CLINT1: variants seen among roughly 807,000 people sequenced by gnomAD.
CLINT1 encodes clathrin interacting protein localized in the trans-Golgi region.
A neutral mutation model predicts 70.4 loss-of-function variants in CLINT1; 15 were observed. That is an observed-to-expected ratio of 0.21 (90% CI 0.14 to 0.33). The LOEUF is 0.33. Ranked by LOEUF, CLINT1 falls within the 10% of genes least tolerant of loss-of-function variation. The pLI is 1.00. For missense variants in CLINT1, 615 were observed against 778.1 expected, an observed-to-expected ratio of 0.79 and a Z score of 2.49; for synonymous variants, 227 against 254.7, an observed-to-expected ratio of 0.89 and a Z score of 1.04.
chr5:157,831,251 G>T (rs1166095707), intron 1 of CLINT1, among the ~76,000 whole-genome samples: 1 of 150,096 alleles, frequency 6.7e-6, no homozygotes, highest in Admixed American at 6.6e-5. Flanking sequence ...GCAGTGGCAG[G>T]ATCTTGGCTC....
intron 1 of CLINT1, among the ~76,000 whole-genome samples, chr5:157,852,029 G>C (rs1200144257): frequency 1.3e-5 from 2 of 152,096 alleles, no homozygotes; most frequent in African/African-American, 4.8e-5. Flanking sequence ...CATGAATTTG[G>C]TATCACATAT....
At chr5:157,847,624 G>A (rs141993421) in intron 1 of CLINT1, among the ~76,000 whole-genome samples, 8 of 152,264 alleles carry the variant, frequency 5.3e-5, no homozygotes, top group Non-Finnish European at 7.4e-5. Flanking sequence ...AGTGACGGAC[G>A]TCACTGCAGA....
At position 157,809,892 on chromosome 5, in the gene CLINT1, C is replaced by T. The variant is rs1245505178; in HGVS notation, c.518-87G>A. 27 of 1,293,824 alleles carry T rather than the reference C, an allele frequency of 2.1e-5. No individual in the cohort carries two copies. In the Admixed American group the frequency reaches 6.8e-4, roughly 33 times the overall value. The allele number at this position is 1,293,824 out of a possible 1,614,324, so 80.1% of individuals were successfully genotyped here. A position where few individuals can be genotyped will look rare whatever the true frequency, so the allele number is the denominator to read the frequency against. The stretch of plus-strand genomic sequence containing the variant: ...AGTCCTTATTTCTCAGGCTTTTCCT[C>T]ATAATAAAATCATTTTCAAAGGAAA... On this transcript the variant is annotated intron_variant, in intron 5 of 11. Transcript: ENST00000411809.
chr5:157,801,489 A>T (rs928480204), intron 8 of CLINT1, among the ~76,000 whole-genome samples: 1 of 151,756 alleles, frequency 6.6e-6, no homozygotes, highest in Non-Finnish European at 1.5e-5. Flanking sequence ...CTGGGCAACA[A>T]GGGCGAAACT....
At chr5:157,830,025 TAC>T (rs77191893) in intron 1 of CLINT1, among the ~76,000 whole-genome samples, 20,346 of 152,160 alleles carry the variant, frequency 0.13, 1,780 homozygotes, top group African/African-American at 0.25. Context: ...GATGCCTGAC[TAC>T]AGTCTTGACC....
intron 1 of CLINT1, among the ~76,000 whole-genome samples, chr5:157,841,046 G>A (rs1365217233): frequency 6.6e-6 from 1 of 152,126 alleles, no homozygotes; most frequent in Non-Finnish European, 1.5e-5. Flanking sequence ...CAGATTGCTT[G>A]AGCTCAGGAG....
At chr5:157,858,467 C>A (rs546245591) in intron 1 of CLINT1, among the ~76,000 whole-genome samples, 1 of 152,140 alleles carries the variant, frequency 6.6e-6, no homozygotes, top group Admixed American at 6.5e-5. Flanking sequence ...AAAGACACAC[C>A]CCAACCAGGT....
intron 1 of CLINT1, among the ~76,000 whole-genome samples, chr5:157,829,536 T>C (rs985787461): frequency 2.6e-5 from 4 of 152,046 alleles, no homozygotes; most frequent in Non-Finnish European, 4.4e-5. Flanking sequence ...ATGCACTTTT[T>C]TTTGAGACAG....
intron 2 of CLINT1, among the ~76,000 whole-genome samples, chr5:157,817,152 A>C (rs1416879819): frequency 6.6e-6 from 1 of 152,074 alleles, no homozygotes; most frequent in Non-Finnish European, 1.5e-5. Flanking sequence ...TTTCACTTCA[A>C]GTTATTTTAT....
chr5:157,846,676 TC>T (rs1753392105), intron 1 of CLINT1, among the ~76,000 whole-genome samples: 1 of 152,202 alleles, frequency 6.6e-6, no homozygotes, highest in Non-Finnish European at 1.5e-5. Context: ...GAAGATGCCA[TC>T]TAGGACTTTC....
intron 1 of CLINT1, among the ~76,000 whole-genome samples, chr5:157,854,476 A>G (rs546399238): frequency 6.6e-6 from 1 of 152,254 alleles, no homozygotes; most frequent in Non-Finnish European, 1.5e-5. Context: ...TCCCAGCTGC[A>G]GTGTGCATGT....
In CLINT1 at chr5:157,791,817, G is replaced by T; in HGVS notation, c.1266C>A (p.Asp422Glu). The T allele has an allele frequency of 6.2e-7, 1 of 1,613,960 alleles. No individual in the cohort carries two copies. Among genetic ancestry groups the T allele is most frequent in the Non-Finnish European group, 8.5e-7 (1 of 1,179,856 alleles). The change falls in exon 10 of 12, where the codon GAC becomes GAA. Residue 422 changes from aspartate to glutamate, a missense_variant. Coordinates refer to ENST00000411809, the MANE Select transcript of CLINT1 (RefSeq NM_014666.4). ...GPPPAASNSS[D>E]LFDLMGSSQA... ...GGGACGAGCCCATAAGATCAAACAG[G>T]TCTGAAGAATTTGAGGCAGCAGGAG...
intron 1 of CLINT1, among the ~76,000 whole-genome samples, chr5:157,838,456 A>G (rs1413097451): frequency 6.6e-6 from 1 of 152,248 alleles, no homozygotes; most frequent in Admixed American, 6.5e-5. Flanking sequence ...AATGAATTAT[A>G]TATTTACTCT....
At chr5:157,807,617 G>A (rs1581492686) in intron 6 of CLINT1, among the ~76,000 whole-genome samples, 1 of 151,954 alleles carries the variant, frequency 6.6e-6, no homozygotes, top group African/African-American at 2.4e-5. Context: ...TTCCTGGTGT[G>A]CCCTATCATT....
At position 157,791,980 on chromosome 5, in the gene CLINT1, C is replaced by A; in HGVS notation, c.1103G>T (p.Gly368Val). 5 of 1,613,086 alleles carry A rather than the reference C, an allele frequency of 3.1e-6. No homozygotes were observed. Among genetic ancestry groups the A allele is most frequent in the Non-Finnish European group, 4.2e-6 (5 of 1,179,472 alleles). The change falls in exon 10 of 12, where the codon GGG becomes GTG. Residue 368 changes from glycine (G) to valine (V), a missense_variant. Coordinates refer to ENST00000411809, the MANE Select transcript of CLINT1 (RefSeq NM_014666.4). ...SFPSQVTATS[G>V]NGDFGDWSAF... is the part of the protein sequence containing the mutation. ...ACTCCAGTCACCAAAGTCTCCATTCCCACTTGTTGCTGTTACTAAGACAGA... is the reference window on the plus strand; with the variant it reads ...ACTCCAGTCACCAAAGTCTCCATTCACACTTGTTGCTGTTACTAAGACAGA...
intron 1 of CLINT1, among the ~76,000 whole-genome samples, chr5:157,818,510 A>G (rs949441563): frequency 2.0e-5 from 3 of 150,484 alleles, no homozygotes; most frequent in African/African-American, 7.3e-5. Flanking sequence ...TTAGCCAGAC[A>G]TGTTGGCATG....
At chr5:157,828,829 C>T (rs1374892596) in intron 1 of CLINT1, among the ~76,000 whole-genome samples, 3 of 150,898 alleles carry the variant, frequency 2.0e-5, no homozygotes, top group East Asian at 3.9e-4. Context: ...TGGCTCACAC[C>T]TGTAATCCCA....
intron 1 of CLINT1, among the ~76,000 whole-genome samples, chr5:157,831,797 G>T (rs200574569): frequency 6.7e-6 from 1 of 149,064 alleles, no homozygotes; most frequent in East Asian, 2.0e-4. Flanking sequence ...AGGTTCAAGC[G>T]ATTCCCATCT....
At chr5:157,828,707 C>T (rs1302443342) in intron 1 of CLINT1, among the ~76,000 whole-genome samples, 1 of 151,612 alleles carries the variant, frequency 6.6e-6, no homozygotes, top group Non-Finnish European at 1.5e-5. Context: ...AAGAAGTATC[C>T]CTGGGCTGAT....
Sources: allele counts gnomAD v4.1 joint callset (sites outside exome capture counted in the v4.1 genomes callset), GRCh38; gene constraint gnomAD v4.1.1; transcripts MANE v1.5; gene names NCBI Gene and HGNC (gene_info 2026-07-23, HGNC 2026-07-21).